The following GNAQ variants were observed in gnomAD, a reference collection of about 807,000 sequenced individuals.
The protein encoded by GNAQ is G protein subunit alpha q, also known as guanine nucleotide-binding protein G(q) subunit alpha.
In GNAQ, 8 loss-of-function variants were observed where a neutral mutation model predicts 43.9. That is an observed-to-expected ratio of 0.18 (90% CI 0.11 to 0.33). The LOEUF (loss-of-function observed/expected upper bound fraction) is 0.33, where lower values mean the gene tolerates loss of function less well. Among genes scored for constraint, GNAQ ranks in the 10% least tolerant of loss-of-function variants. GNAQ has a pLI of 1.00. For missense variants in GNAQ, 158 were observed against 450.8 expected (o/e 0.35, Z 5.88); for synonymous variants, 155 against 170.7 (o/e 0.91, Z 0.71).
rs563946221 is a variant in GNAQ at position 77,744,627 on chromosome 9, A to T, written c.736-15960T>A. Among the ~76,000 whole-genome samples the T allele has an allele frequency of 7.7e-4, 118 of 152,338 alleles. 1 individual carries two copies. In the South Asian group the frequency reaches 7.9e-3, roughly 10 times the overall value. ...AATGATTTAAACTTTTAAAAGGACA[A>T]AATGGGGTGGGTAGAGGATTATGAA... On this transcript the variant is annotated intron_variant, in intron 5 of 6. Transcript: ENST00000286548.
At chr9:77,891,511 G>T (rs1828404928) in intron 2 of GNAQ, among the ~76,000 whole-genome samples, 1 of 152,164 alleles carries the variant, frequency 6.6e-6, no homozygotes, top group South Asian at 2.1e-4. Context: ...AGTTCCTTTT[G>T]TAAGGCTGAG....
At chr9:77,932,407 A>C (rs2118311130) in intron 1 of GNAQ, among the ~76,000 whole-genome samples, 1 of 152,362 alleles carries the variant, frequency 6.6e-6, no homozygotes, top group South Asian at 2.1e-4. Context: ...TAAAATATCT[A>C]ATGGAGATGA....
At chr9:77,832,432 T>C (rs1827314149) in intron 2 of GNAQ, among the ~76,000 whole-genome samples, 1 of 152,192 alleles carries the variant, frequency 6.6e-6, no homozygotes, top group Admixed American at 6.5e-5. Flanking sequence ...ACTGATGTGG[T>C]GCACTTGGAA....
chr9:77,904,159 A>G (rs1229622635), intron 2 of GNAQ, among the ~76,000 whole-genome samples: 1 of 152,162 alleles, frequency 6.6e-6, no homozygotes, highest in East Asian at 1.9e-4. Context: ...TTAATGATCT[A>G]TCCTGCATCT....
At chr9:77,860,681 C>A (rs897029763) in intron 2 of GNAQ, among the ~76,000 whole-genome samples, 1 of 152,142 alleles carries the variant, frequency 6.6e-6, no homozygotes, top group African/African-American at 2.4e-5. Context: ...CTAGTTCGCC[C>A]GCAGCTCACT....
intron 5 of GNAQ, among the ~76,000 whole-genome samples, chr9:77,774,855 T>C (rs1295636089): frequency 6.6e-6 from 1 of 152,354 alleles, no homozygotes; most frequent in South Asian, 2.1e-4. Flanking sequence ...AATGGATTGT[T>C]CATGTAAAAA....
chr9:77,921,274 C>T (rs760689749), intron 2 of GNAQ, among the ~76,000 whole-genome samples: 3 of 152,166 alleles, frequency 2.0e-5, no homozygotes, highest in Non-Finnish European at 4.4e-5. Flanking sequence ...AAATAGATAT[C>T]CCTTCCCTTG....
intron 1 of GNAQ, among the ~76,000 whole-genome samples, chr9:77,977,730 C>T (rs1169401408): frequency 6.6e-6 from 1 of 152,198 alleles, no homozygotes; most frequent in Non-Finnish European, 1.5e-5. Context: ...AACATTTTCA[C>T]TTTGCAAGTC....
intron 5 of GNAQ, among the ~76,000 whole-genome samples, chr9:77,755,087 G>A (rs1435131133): frequency 2.0e-5 from 3 of 152,264 alleles, no homozygotes; most frequent in Admixed American, 6.5e-5. Flanking sequence ...CAACAACATG[G>A]ATGGAACTGG....
rs150564577 is a variant in GNAQ at position 77,875,941 on chromosome 9, T to C, written c.321+46220A>G. Among the ~76,000 whole-genome samples the C allele has an allele frequency of 2.6e-3, 390 of 152,300 alleles. 1 individual carries two copies. Among genetic ancestry groups the C allele is most frequent in the African/African-American group, 7.0e-3 (293 of 41,572 alleles). On this transcript the variant is annotated intron_variant, in intron 2 of 6. Transcript: ENST00000286548. Reference sequence around the variant, plus strand: ...CCTACCTATGGAGAGGTGCATGACATGCAGCAGCATTTCCCCAAATCCAGT... The same window carrying C: ...CCTACCTATGGAGAGGTGCATGACACGCAGCAGCATTTCCCCAAATCCAGT...
chr9:77,958,749 AGGGTAACAGGGAGCAGTACC>A (rs1823072077), intron 1 of GNAQ, among the ~76,000 whole-genome samples: 1 of 152,186 alleles, frequency 6.6e-6, no homozygotes, highest in Admixed American at 6.5e-5. Context: ...GGTGCAGTAC[AGGGTAACAGGGAGCAGTACC>A]GACTGTGGCC....
intron 5 of GNAQ, among the ~76,000 whole-genome samples, chr9:77,770,250 C>G (rs1454261880): frequency 1.3e-5 from 2 of 152,066 alleles, no homozygotes; most frequent in Admixed American, 1.3e-4. Flanking sequence ...GGAGAAAGAA[C>G]ACAACATGTA....
intron 1 of GNAQ, among the ~76,000 whole-genome samples, chr9:78,016,383 G>A (rs954793002): frequency 6.6e-6 from 1 of 152,082 alleles, no homozygotes; most frequent in African/African-American, 2.4e-5. Context: ...AACCATCAAA[G>A]TTTTAGAAAT....
intron 2 of GNAQ, among the ~76,000 whole-genome samples, chr9:77,858,968 A>T (rs376010076): frequency 3.3e-5 from 5 of 151,894 alleles, no homozygotes; most frequent in African/African-American, 1.2e-4. Context: ...TTCCATCTCC[A>T]TACTTAGGCC....
At chr9:77,975,975 C>T (rs1823297097) in intron 1 of GNAQ, among the ~76,000 whole-genome samples, 1 of 152,106 alleles carries the variant, frequency 6.6e-6, no homozygotes, top group Admixed American at 6.6e-5. Context: ...TCGGGAAGAG[C>T]CATGTCACTG....
intron 1 of GNAQ, among the ~76,000 whole-genome samples, chr9:77,928,711 T>C (rs1040903464): frequency 3.9e-5 from 6 of 152,108 alleles, no homozygotes; most frequent in African/African-American, 1.2e-4. Flanking sequence ...AAACATAAAT[T>C]TGTACACTTT....
intron 2 of GNAQ, among the ~76,000 whole-genome samples, chr9:77,899,792 G>GT (rs767792871): frequency 1.5e-4 from 23 of 152,202 alleles, no homozygotes; most frequent in Non-Finnish European, 3.2e-4. Flanking sequence ...TTTTATGAGT[G>GT]TTTCAATCAC....
intron 2 of GNAQ, among the ~76,000 whole-genome samples, chr9:77,876,039 A>T (rs1828119200): frequency 6.6e-6 from 1 of 152,256 alleles, no homozygotes; most frequent in Non-Finnish European, 1.5e-5. Context: ...ATTTTTAAAA[A>T]GACACTTGAT....
chr9:77,757,954 G>C (rs547875990), intron 5 of GNAQ, among the ~76,000 whole-genome samples: 1 of 152,308 alleles, frequency 6.6e-6, no homozygotes, highest in South Asian at 2.1e-4. Flanking sequence ...GCTAAATCCA[G>C]ATATGCTCCT....
Sources: allele counts gnomAD v4.1 joint callset (sites outside exome capture counted in the v4.1 genomes callset), GRCh38; gene constraint gnomAD v4.1.1; transcripts MANE v1.5; gene names NCBI Gene and HGNC (gene_info 2026-07-23, HGNC 2026-07-21).